Variants in GNAI1 observed in about 807,000 individuals in gnomAD.
The protein encoded by GNAI1 is G protein subunit alpha i1.
GNAI1 carries 11 observed loss-of-function variants against 38.9 expected under a neutral mutation model. The ratio of observed to expected loss-of-function variants is 0.28; its 90% CI spans 0.18 to 0.47. GNAI1 has a LOEUF of 0.47. GNAI1 is among the 20% of genes least tolerant of loss of function. The probability of loss-of-function intolerance (pLI) is 0.99; values close to 1 mark genes in which losing one functional copy is unlikely to be tolerated. For missense variants in GNAI1, 317 were observed against 436.9 expected (o/e 0.73, Z 2.45); for synonymous variants, 166 against 145.1 (o/e 1.14, Z -1.04).
chr7:80,169,621 C>T (rs1157516029), intron 1 of GNAI1, among the ~76,000 whole-genome samples: 1 of 152,238 alleles, frequency 6.6e-6, no homozygotes, highest in East Asian at 1.9e-4. Flanking sequence ...TTTTAAGTGT[C>T]ATTCCCAAAT....
chr7:80,159,088 C>G (rs897353995), intron 1 of GNAI1, among the ~76,000 whole-genome samples: 20 of 152,142 alleles, frequency 1.3e-4, no homozygotes, highest in Non-Finnish European at 2.9e-5. Flanking sequence ...GTGATGTTCT[C>G]CATGTCAAGC....
In GNAI1 at chr7:80,165,015, T is replaced by C. The variant is rs376717866; in HGVS notation, c.119-23936T>C. On this transcript the variant is annotated intron_variant, in intron 1 of 7. Transcript: ENST00000649796. ...TCCAAAAAAGAGAAAGCTCAGACTT[T>C]ATATGTGAGGATGTATTGTAGTAGC... Among the ~76,000 whole-genome samples, 7 of 152,296 alleles carry C rather than the reference T, an allele frequency of 4.6e-5. No individual in the cohort carries two copies. The East Asian group carries it at 1.4e-3, about 29-fold the overall frequency.
intron 1 of GNAI1, among the ~76,000 whole-genome samples, chr7:80,174,911 C>T (rs1194193449): frequency 6.6e-6 from 1 of 152,036 alleles, no homozygotes; most frequent in Non-Finnish European, 1.5e-5. Flanking sequence ...GCTAAAGAAG[C>T]AAAAAGTATT....
At chr7:80,209,072 T>C (rs1205657217) in intron 5 of GNAI1, among the ~76,000 whole-genome samples, 1 of 152,190 alleles carries the variant, frequency 6.6e-6, no homozygotes, top group East Asian at 1.9e-4. Flanking sequence ...GTCTTTAATC[T>C]CCCTATTTCT....
In GNAI1 at chr7:80,223,966, G is replaced by A. The variant is rs78776720; in HGVS notation, c.*6473G>A. On this transcript the variant is annotated 3_prime_UTR_variant, in exon 8 of 8. Transcript: ENST00000649796. ...CAATGGAAAGCTTCAGTATGAAGCT[G>A]GCATAAGGAAAGCCAGTAAAAAGTG... Among the ~76,000 whole-genome samples, 13,284 of 152,126 alleles carry A rather than the reference G, an allele frequency of 0.087. 599 individuals are homozygous for A. The highest frequency in any genetic ancestry group is 0.1 in the Non-Finnish European group (6,792 of 68,000).
rs55944206 is a variant in GNAI1, at chr7:80,221,646, T to A, written c.*4153T>A. ...TAGGTTGGAAATTTTCTTTTTTTTTTTTTTTTTTTTTTTTTGGTATGGAGT... is the reference window on the plus strand; with the variant it reads ...TAGGTTGGAAATTTTCTTTTTTTTTATTTTTTTTTTTTTTTGGTATGGAGT... On this transcript the variant is annotated 3_prime_UTR_variant, in exon 8 of 8. Coordinates refer to ENST00000649796, the MANE Select transcript of GNAI1 (RefSeq NM_002069.6). Among the ~76,000 whole-genome samples the A allele has an allele frequency of 5.2e-5, 7 of 134,286 alleles. No individual in the cohort carries two copies. Among genetic ancestry groups the A allele is most frequent in the African/African-American group, 1.2e-4 (4 of 34,234 alleles). The allele number at this position is 134,286 out of a possible 152,430, so 88.1% of individuals were successfully genotyped here.
intron 1 of GNAI1, among the ~76,000 whole-genome samples, chr7:80,183,792 A>AT (rs1788341258): frequency 6.6e-6 from 1 of 152,074 alleles, no homozygotes; most frequent in Non-Finnish European, 1.5e-5. Flanking sequence ...AAATTACATA[A>AT]CTCTCTTAAA....
chr7:80,172,660 G>C (rs1788116741), intron 1 of GNAI1, among the ~76,000 whole-genome samples: 1 of 152,062 alleles, frequency 6.6e-6, no homozygotes, highest in Non-Finnish European at 1.5e-5. Context: ...AAAGCAACGT[G>C]AATGAAGAAT....
At chr7:80,169,001 T>A (rs1584023684) in intron 1 of GNAI1, among the ~76,000 whole-genome samples, 1 of 152,350 alleles carries the variant, frequency 6.6e-6, no homozygotes, top group East Asian at 1.9e-4. Flanking sequence ...ATTTTGTTTC[T>A]TTAATGTTGC....
chr7:80,188,773 T>G (rs1340051943), intron 1 of GNAI1, among the ~76,000 whole-genome samples, 178 bp from the exon 2 acceptor site: 2 of 152,126 alleles, frequency 1.3e-5, no homozygotes, highest in Non-Finnish European at 2.9e-5. Flanking sequence ...TACTTATTCA[T>G]CCTACATATT....
chr7:80,164,321 G>A (rs761819230), intron 1 of GNAI1, among the ~76,000 whole-genome samples: 12 of 150,676 alleles, frequency 8.0e-5, no homozygotes, highest in African/African-American at 2.2e-4. Flanking sequence ...GATTACAGGC[G>A]TAAGCCACCG....
In GNAI1 at chr7:80,225,116, T is replaced by C. The variant is rs1430063943; in HGVS notation, c.*7623T>C. Among the ~76,000 whole-genome samples, 2 of 152,216 alleles carry C rather than the reference T, an allele frequency of 1.3e-5. No homozygotes were observed. Among genetic ancestry groups the C allele is most frequent in the Admixed American group, 6.5e-5 (1 of 15,274 alleles). Reference sequence around the variant, plus strand: ...GAATAAATCACACCTTCAGTGACTTTCTTGGGAAATGGTGGGCCTCAGTAA... The same window carrying C: ...GAATAAATCACACCTTCAGTGACTTCCTTGGGAAATGGTGGGCCTCAGTAA... On this transcript the variant is annotated 3_prime_UTR_variant, in exon 8 of 8. Coordinates refer to ENST00000649796, the MANE Select transcript of GNAI1 (RefSeq NM_002069.6).
chr7:80,173,053 G>A (rs892433070), intron 1 of GNAI1, among the ~76,000 whole-genome samples: 8 of 152,156 alleles, frequency 5.3e-5, no homozygotes, highest in Non-Finnish European at 1.2e-4. Context: ...CAGAAGACAA[G>A]CTTCTGCCTA....
At chr7:80,210,600 C>A (rs1788855622) in intron 5 of GNAI1, among the ~76,000 whole-genome samples, 1 of 152,152 alleles carries the variant, frequency 6.6e-6, no homozygotes, top group South Asian at 2.1e-4. Flanking sequence ...TCTCTGCATT[C>A]CCCAGTTGCT....
chr7:80,191,088 C>T, intron 3 of GNAI1, among the ~76,000 whole-genome samples: 1 of 151,970 alleles, frequency 6.6e-6, no homozygotes, highest in Admixed American at 6.6e-5. Flanking sequence ...TGTCTTCTTC[C>T]TGCCTTTAGA....
In GNAI1 at chr7:80,220,538, A is replaced by G. The variant is rs145677799; in HGVS notation, c.*3045A>G. Among the ~76,000 whole-genome samples, 56 of 152,278 alleles carry G rather than the reference A, an allele frequency of 3.7e-4. No homozygotes were observed. The highest frequency in any genetic ancestry group is 1.9e-3 in the Admixed American group (29 of 15,288). ...CCTCCAGCATTGGACGAGTGAGCCAATCATTGTCCCAGTTGCCATTCTTAA... is the reference window on the plus strand; with the variant it reads ...CCTCCAGCATTGGACGAGTGAGCCAGTCATTGTCCCAGTTGCCATTCTTAA... On this transcript the variant is annotated 3_prime_UTR_variant, in exon 8 of 8. Transcript: ENST00000649796.
chr7:80,155,291 CAT>C (rs1385542056), intron 1 of GNAI1, among the ~76,000 whole-genome samples: 1 of 152,122 alleles, frequency 6.6e-6, no homozygotes, highest in African/African-American at 2.4e-5. Context: ...TTTTAATCAA[CAT>C]TGAATTGTTT....
At chr7:80,164,511 A>G (rs1562828917) in intron 1 of GNAI1, among the ~76,000 whole-genome samples, 1 of 150,754 alleles carries the variant, frequency 6.6e-6, no homozygotes, top group Non-Finnish European at 1.5e-5. Context: ...ACAGGCGCCC[A>G]CCACCACACC....
At chr7:80,135,335 G>T in intron 1 of GNAI1, 57 bp downstream of exon 1, 8 of 1,031,938 alleles carry the variant, frequency 7.8e-6, no homozygotes, top group Non-Finnish European at 1.0e-5. Context: ...GCGGCGCTGC[G>T]CGGCCCTCGG....
Sources: allele counts gnomAD v4.1 joint callset (sites outside exome capture counted in the v4.1 genomes callset), GRCh38; gene constraint gnomAD v4.1.1; transcripts MANE v1.5; gene names NCBI Gene and HGNC (gene_info 2026-07-23, HGNC 2026-07-21).